The following FBXL13 variants were observed in gnomAD, a reference collection of about 807,000 sequenced individuals.
FBXL13 encodes F-box and leucine rich repeat protein 13.
FBXL13 carries 67 observed loss-of-function variants against 83.6 expected under a neutral mutation model. The ratio of observed to expected loss-of-function variants is 0.80; its 90% CI spans 0.66 to 0.98. The LOEUF (loss-of-function observed/expected upper bound fraction) is 0.98, where lower values mean the gene tolerates loss of function less well. Among genes scored for constraint, FBXL13 ranks in the 50% least tolerant of loss-of-function variants. FBXL13 has a pLI of 0.00. For synonymous variants in FBXL13, 272 were observed against 299.5 expected, an observed-to-expected ratio of 0.91 and a Z score of 0.95; for missense variants, 822 against 866.5, an observed-to-expected ratio of 0.95 and a Z score of 0.64.
At chr7:103,024,889 T>C (rs1434878190) in intron 6 of FBXL13, among the ~76,000 whole-genome samples, 174 bp downstream of exon 7, 5 of 135,146 alleles carry the variant, frequency 3.7e-5, no homozygotes, top group Non-Finnish European at 6.2e-5. Flanking sequence ...AGATGGAGTT[T>C]TGCTATTGTC....
In FBXL13 at chr7:102,963,601, C is replaced by T; in HGVS notation, c.656G>A (p.Trp219Ter). The T allele has an allele frequency of 1.9e-6, 3 of 1,612,856 alleles. No homozygotes were observed. The highest frequency in any genetic ancestry group is 2.5e-6 in the Non-Finnish European group (3 of 1,179,694). Residue 219 changes from tryptophan (W) to a stop codon, truncating the protein, a stop_gained, in exon 8 of 20, where the codon TGG becomes TAG. Coordinates refer to ENST00000313221, the Ensembl canonical transcript of FBXL13. LOFTEE classifies it high-confidence loss of function. ...ATTCAAACGCAGCACATTTAAACGCCACCTTTGCAAAGTAGACACTATATA... is the reference window on the plus strand; with the variant it reads ...ATTCAAACGCAGCACATTTAAACGCTACCTTTGCAAAGTAGACACTATATA...
At chr7:103,008,900 T>C (rs1175000709) in intron 6 of FBXL13, among the ~76,000 whole-genome samples, 4 of 152,210 alleles carry the variant, frequency 2.6e-5, no homozygotes, top group African/African-American at 7.2e-5. Context: ...TATTGTCGTT[T>C]ATAAATCTAT....
intron 6 of FBXL13, among the ~76,000 whole-genome samples, chr7:102,982,663 A>C (rs1383777842): frequency 6.6e-6 from 1 of 152,162 alleles, no homozygotes; most frequent in Non-Finnish European, 1.5e-5. Context: ...GTTCCTCTGC[A>C]CAAGCTCTCT....
At chr7:103,024,137 G>GAGAGAGAGAA (rs1793560951) in intron 6 of FBXL13, among the ~76,000 whole-genome samples, 1 of 39,136 alleles carries the variant, frequency 2.6e-5, no homozygotes, top group African/African-American at 4.5e-4. Flanking sequence ...AAGTTAAAAA[G>GAGAGAGAGAA]AGAGAGAGAG....
chr7:102,926,738 C>A (rs1172811971), intron 9 of FBXL13, among the ~76,000 whole-genome samples: 1 of 152,162 alleles, frequency 6.6e-6, no homozygotes, highest in Admixed American at 6.6e-5. Context: ...AAAAACTGAT[C>A]CATTTTAAAC....
intron 8 of FBXL13, chr7:102,942,252 TA>T: frequency 6.5e-7 from 1 of 1,549,866 alleles, no homozygotes; most frequent in Non-Finnish European, 8.8e-7. Context: ...CAAAATGACC[TA>T]AAGAAGTTTT....
intron 6 of FBXL13, among the ~76,000 whole-genome samples, chr7:103,015,221 CCCACAGCCAACAT>C (rs1792143200): frequency 1.3e-5 from 2 of 152,150 alleles, no homozygotes; most frequent in Admixed American, 1.3e-4. Flanking sequence ...TTATGAAAAA[CCCACAGCCAACAT>C]CCTACTGAAT....
At chr7:103,067,820 G>A (rs1312932491) in intron 1 of FBXL13, among the ~76,000 whole-genome samples, 1 of 152,210 alleles carries the variant, frequency 6.6e-6, no homozygotes, top group Non-Finnish European at 1.5e-5. Flanking sequence ...ATCACTAAAT[G>A]TTGTAAAGAC....
chr7:102,917,603 A>G (rs925469433), intron 10 of FBXL13, among the ~76,000 whole-genome samples: 6 of 152,254 alleles, frequency 3.9e-5, no homozygotes, highest in Non-Finnish European at 7.3e-5. Flanking sequence ...TGCAGCAATC[A>G]GATGACTGGA....
intron 8 of FBXL13, among the ~76,000 whole-genome samples, chr7:102,951,600 G>T (rs1823414870): frequency 6.6e-6 from 1 of 151,690 alleles, no homozygotes; most frequent in Non-Finnish European, 1.5e-5. Context: ...TTGAGTTCAG[G>T]AGTTCAAGAC....
intron 16 of FBXL13, among the ~76,000 whole-genome samples, chr7:102,862,529 C>T (rs947511204): frequency 7.9e-5 from 12 of 152,182 alleles, no homozygotes; most frequent in Non-Finnish European, 1.6e-4. Context: ...TTACACTAGG[C>T]TTTATTTCTT....
At chr7:103,024,857 A>ATTTTTTTT (rs1209398568) in intron 6 of FBXL13, among the ~76,000 whole-genome samples, 4 of 62,844 alleles carry the variant, frequency 6.4e-5, no homozygotes, top group African/African-American at 3.6e-4. Flanking sequence ...ATATATATAT[A>ATTTTTTTT]TTTTTTTTTT....
intron 6 of FBXL13, among the ~76,000 whole-genome samples, chr7:103,012,258 C>G (rs1168109302): frequency 6.6e-6 from 1 of 152,008 alleles, no homozygotes; most frequent in African/African-American, 2.4e-5. Flanking sequence ...GCTTGTAATC[C>G]CACCTACTCA....
chr7:102,877,576 T>G (rs754000752), exon 16 of FBXL13: 1 of 1,608,234 alleles, frequency 6.2e-7, no homozygotes, highest in Non-Finnish European at 8.5e-7. Flanking sequence ...TAAACTCAAG[T>G]AGTTTAAATT....
intron 18 of FBXL13, among the ~76,000 whole-genome samples, chr7:102,826,340 A>G (rs1236587719): frequency 6.6e-6 from 1 of 152,206 alleles, no homozygotes; most frequent in Non-Finnish European, 1.5e-5. Context: ...GCAGTAAGAA[A>G]TAATGTGCTT....
intron 17 of FBXL13, among the ~76,000 whole-genome samples, chr7:102,845,219 C>T (rs1044524398): frequency 1.3e-5 from 2 of 152,088 alleles, no homozygotes; most frequent in Admixed American, 6.6e-5. Context: ...TTCTCATGAC[C>T]AGCCCCCAAC....
intron 6 of FBXL13, among the ~76,000 whole-genome samples, chr7:103,006,310 T>C (rs570696571): frequency 2.2e-4 from 34 of 152,302 alleles, no homozygotes; most frequent in East Asian, 1.2e-3. Flanking sequence ...TATTCTAAGC[T>C]GTGTATGCAC....
At chr7:102,955,913 AC>A (rs1228652535) in intron 8 of FBXL13, among the ~76,000 whole-genome samples, 1 of 152,088 alleles carries the variant, frequency 6.6e-6, no homozygotes, top group Non-Finnish European at 1.5e-5. Flanking sequence ...CCAAAAAAAG[AC>A]CAGGACCAGA....
intron 17 of FBXL13, among the ~76,000 whole-genome samples, chr7:102,841,221 T>A (rs73714526): frequency 0.01 from 1,543 of 151,738 alleles, 22 homozygotes; most frequent in African/African-American, 0.035. Context: ...TCCCTTTTTT[T>A]AAATTTTTGC....
Sources: allele counts gnomAD v4.1 joint callset (sites outside exome capture counted in the v4.1 genomes callset), GRCh38; gene constraint gnomAD v4.1.1; transcripts MANE v1.5; gene names NCBI Gene and HGNC (gene_info 2026-07-23, HGNC 2026-07-21).